Variants in NTN1 observed in about 807,000 individuals in gnomAD.
NTN1 encodes the protein netrin 1, also known as netrin-1.
In NTN1, 11 loss-of-function variants were observed where a neutral mutation model predicts 54.2. That is an observed-to-expected ratio of 0.20 (90% CI 0.13 to 0.34). The LOEUF (loss-of-function observed/expected upper bound fraction) is 0.34, where lower values mean the gene tolerates loss of function less well. NTN1 is among the 10% of genes least tolerant of loss of function. NTN1 has a pLI of 1.00. For missense variants in NTN1, 740 were observed against 893.1 expected, an observed-to-expected ratio of 0.83 and a Z score of 2.18; for synonymous variants, 371 against 382.0, an observed-to-expected ratio of 0.97 and a Z score of 0.33.
intron 2 of NTN1, among the ~76,000 whole-genome samples, chr17:9,084,280 GAT>G (rs2092083078): frequency 6.6e-6 from 1 of 152,118 alleles, no homozygotes; most frequent in African/African-American, 2.4e-5. Flanking sequence ...CATGAGATAA[GAT>G]ATTCCTGTGG....
rs1052832504 is a variant in NTN1, at chr17:9,243,667, T to G, written c.*3699T>G. 3.6e-4 allele frequency: 55 copies of G among 152,200 alleles called. No homozygotes were observed. The highest frequency in any genetic ancestry group is 1.2e-3 in the African/African-American group (51 of 41,418). 9.4% of individuals were successfully genotyped at this position (152,200 alleles called of 1,614,324 possible). The stretch of plus-strand genomic sequence containing the variant: ...TCCCACTCCTGTCATTGGACGTTTC[T>G]TCCCATTCCCTCCTCCCAAATGCAC... On this transcript the variant is annotated 3_prime_UTR_variant, in exon 7 of 7. Transcript: ENST00000173229.
intron 2 of NTN1, among the ~76,000 whole-genome samples, chr17:9,139,908 A>G (rs1024723312): frequency 1.6e-4 from 24 of 151,760 alleles, no homozygotes; most frequent in African/African-American, 5.6e-4. Context: ...TTCATCCATC[A>G]TCCATCCATT....
intron 5 of NTN1, among the ~76,000 whole-genome samples, chr17:9,186,416 A>G (rs1013378545): frequency 1.3e-5 from 2 of 152,240 alleles, no homozygotes; most frequent in Admixed American, 1.3e-4. Context: ...AGCTGGACCC[A>G]GGGCTCTGGG....
At chr17:9,022,272 G>T in intron 1 of NTN1, 39 bp from the exon 2 acceptor site, 1 of 1,195,504 alleles carries the variant, frequency 8.4e-7, no homozygotes, top group East Asian at 3.3e-5. Context: ...TGGAGGGCGC[G>T]GGGCGGGCTG....
chr17:9,171,777 G>A (rs2092387644), intron 3 of NTN1: 1 of 152,366 alleles, frequency 6.6e-6, no homozygotes, highest in Non-Finnish European at 1.5e-5. Flanking sequence ...GGGAGGAAGG[G>A]GTGGGAAGAG....
At chr17:9,056,695 G>A (rs1174516237) in intron 2 of NTN1, among the ~76,000 whole-genome samples, 2 of 152,058 alleles carry the variant, frequency 1.3e-5, no homozygotes, top group Non-Finnish European at 2.9e-5. Context: ...TATGAGCACC[G>A]TCCAGAATGA....
rs559155145 is a variant in NTN1, at chr17:9,049,325, A to G, written c.1018+25934A>G. ...CACAGAAGGAAAAAGAATAACTTAC[A>G]GTGAAGAAACCTAAAGATGCCACCT... On this transcript the variant is annotated intron_variant, in intron 2 of 6. Coordinates refer to ENST00000173229, the MANE Select transcript of NTN1 (RefSeq NM_004822.3). 6.6e-5 allele frequency among the ~76,000 whole-genome samples: 10 copies of G among 152,356 alleles called. 1 individual carries two copies. In the East Asian group the frequency reaches 1.2e-3, roughly 18 times the overall value.
intron 2 of NTN1, among the ~76,000 whole-genome samples, chr17:9,063,553 G>C (rs1295732078): frequency 6.9e-6 from 1 of 145,234 alleles, no homozygotes; most frequent in Admixed American, 6.9e-5. Flanking sequence ...GCAGAGCAAA[G>C]TTTTTTTTTT....
chr17:9,130,242 G>T (rs2092260280), intron 2 of NTN1, among the ~76,000 whole-genome samples: 1 of 152,092 alleles, frequency 6.6e-6, no homozygotes, highest in South Asian at 2.1e-4. Flanking sequence ...AGGCTGGTAT[G>T]GGTTTCACTC....
intron 5 of NTN1, among the ~76,000 whole-genome samples, chr17:9,214,617 T>C (rs1905177640): frequency 6.6e-6 from 1 of 152,160 alleles, no homozygotes; most frequent in African/African-American, 2.4e-5. Flanking sequence ...GGTTAGGAGA[T>C]CGAGACCATC....
rs968506225 is a variant in NTN1 at position 9,243,290 on chromosome 17, C to T, written c.*3322C>T. On this transcript the variant is annotated 3_prime_UTR_variant, in exon 7 of 7. Coordinates refer to ENST00000173229, the MANE Select transcript of NTN1 (RefSeq NM_004822.3). ...ACAACCCAGGGAGGGAGGGTCACAG[C>T]CCAGGGAGGCTGGGAGCTGCTCCAA... 3.3e-5 allele frequency: 5 copies of T among 152,136 alleles called. No individual in the cohort carries two copies. The highest frequency in any genetic ancestry group is 1.3e-4 in the Admixed American group (2 of 15,244). 9.4% of individuals were successfully genotyped at this position (152,136 alleles called of 1,614,324 possible).
At chr17:9,013,475 C>A in the NTN1 span, among the ~76,000 whole-genome samples, 4 of 152,196 alleles carry the variant, frequency 2.6e-5, no homozygotes, top group Non-Finnish European at 4.4e-5. Flanking sequence ...CTCGGCCTCC[C>A]AAAGTGCTGG....
At position 9,219,053 on chromosome 17, in the gene NTN1, G is replaced by T. The variant is rs1176157361; in HGVS notation, c.1412-2115G>T. ...GATTTCAGCCAGCTCACGCAGAATC[G>T]CCAGGACTTACGCACAACCTGGGTT... On this transcript the variant is annotated intron_variant, in intron 5 of 6. Transcript: ENST00000173229. The surrounding 1 kb of genome is among the most constrained non-coding windows in gnomAD (Gnocchi z 4.5). 1.3e-5 allele frequency among the ~76,000 whole-genome samples: 2 copies of T among 152,158 alleles called. No individual in the cohort carries two copies. Among genetic ancestry groups the T allele is most frequent in the African/African-American group, 2.4e-5 (1 of 41,428 alleles).
chr17:9,021,124 G>A (rs367772836), upstream of NTN1, among the ~76,000 whole-genome samples: 10 of 152,226 alleles, frequency 6.6e-5, no homozygotes, highest in East Asian at 1.7e-3. Context: ...GGCTGGGACC[G>A]GGAGGGAGAA....
chr17:9,204,261 T>C (rs898747659), intron 5 of NTN1, among the ~76,000 whole-genome samples: 1 of 147,134 alleles, frequency 6.8e-6, no homozygotes, highest in African/African-American at 2.6e-5. Flanking sequence ...TCTCTCTCTC[T>C]CTCCTTCTCT....
At chr17:9,226,516 GTGGT>G (rs1567745072) in intron 6 of NTN1, among the ~76,000 whole-genome samples, 8 of 34,690 alleles carry the variant, frequency 2.3e-4, no homozygotes, top group African/African-American at 3.0e-4. Context: ...TCGTGGGGAG[GTGGT>G]CTCGTGGGGA....
rs2091858096 is a variant in NTN1, at chr17:9,023,008, C to T, written c.635C>T (p.Pro212Leu). 1.9e-6 allele frequency: 3 copies of T among 1,605,694 alleles called. No individual in the cohort carries two copies. The highest frequency in any genetic ancestry group is 1.7e-5 in the Admixed American group (1 of 59,208). Residue 212 changes from proline (P) to leucine (L), a missense_variant, in exon 2 of 7, where the codon CCG becomes CTG. Physicochemically the swap from Pro to Leu is moderately conservative, Grantham distance 98 (BLOSUM62 -3). Transcript: ENST00000173229. ...VCTDSHTDMRPLSGGLIAFST... is the reference protein window; with the variant it reads ...VCTDSHTDMRLLSGGLIAFST... ...ACCGACTCGCACACCGACATGCGCCCGCTCTCGGGCGGCCTCATCGCCTTC... is the reference window on the plus strand; with the variant it reads ...ACCGACTCGCACACCGACATGCGCCTGCTCTCGGGCGGCCTCATCGCCTTC...
intron 2 of NTN1, among the ~76,000 whole-genome samples, chr17:9,097,164 C>T (rs757222649): frequency 3.3e-5 from 5 of 152,152 alleles, no homozygotes; most frequent in Non-Finnish European, 5.9e-5. Flanking sequence ...AATTTGAGGA[C>T]GTGGAAAACA....
chr17:9,181,840 T>G (rs1237573546), intron 4 of NTN1, among the ~76,000 whole-genome samples: 1 of 152,176 alleles, frequency 6.6e-6, no homozygotes, highest in Non-Finnish European at 1.5e-5. Context: ...TTGGCCTTGT[T>G]CAGAAAGAGG....
Sources: gnomAD v4.1 joint callset for allele counts (sites outside exome capture counted in the v4.1 genomes callset) on GRCh38, gnomAD v4.1.1 for gene constraint, Gnocchi (gnomAD v3.1) non-coding constraint, MANE v1.5 for transcripts, NCBI Gene and HGNC (gene_info 2026-07-23, HGNC 2026-07-21) for gene names.